Variants in RTL4 observed in about 807,000 individuals in gnomAD.
The protein encoded by RTL4 is retrotransposon Gag-like protein 4.
Under a neutral mutation model 5.3 loss-of-function variants are expected in RTL4, and 4 were observed. That is an observed-to-expected ratio of 0.75 (90% CI 0.37 to 1.72). RTL4 has a LOEUF of 1.72. Among genes scored for constraint, RTL4 ranks in the 40% most tolerant of loss-of-function variants. The pLI, the probability that RTL4 is intolerant of heterozygous loss-of-function variation, is 0.04. For missense variants in RTL4, 260 were observed against 227.1 expected (o/e 1.14, Z -0.93); for synonymous variants, 98 against 87.3 (o/e 1.12, Z -0.68).
At chrX:112,331,088 T>C in the RTL4 span, among the ~76,000 whole-genome samples, 18 of 97,036 alleles carry the variant, frequency 1.9e-4, no homozygotes, top group African/African-American at 6.0e-4. Context: ...ATTCAGGACA[T>C]AGGCATGGGC....
At chrX:112,429,135 T>G in the RTL4 span, among the ~76,000 whole-genome samples, 1 of 111,608 alleles carries the variant, frequency 9.0e-6, no homozygotes, top group African/African-American at 3.2e-5. Flanking sequence ...ATGAGACCAT[T>G]GATGTTTAAG....
the RTL4 span, among the ~76,000 whole-genome samples, chrX:112,401,921 T>C: frequency 8.9e-6 from 1 of 112,169 alleles, no homozygotes; most frequent in Admixed American, 9.4e-5. Context: ...TATTCCATGT[T>C]TCTATACAAT....
chrX:112,113,708 T>A, the RTL4 span, among the ~76,000 whole-genome samples: 3 of 111,831 alleles, frequency 2.7e-5, no homozygotes, highest in Non-Finnish European at 5.6e-5. Context: ...CTTCTAGTGA[T>A]TACTTCAGCA....
chrX:112,286,379 T>C, the RTL4 span, among the ~76,000 whole-genome samples: 1 of 111,826 alleles, frequency 8.9e-6, no homozygotes, highest in African/African-American at 3.3e-5. Context: ...AGAATTGGAA[T>C]TTTGTTTCAA....
chrX:112,208,533 C>T, the RTL4 span, among the ~76,000 whole-genome samples: 1 of 111,846 alleles, frequency 8.9e-6, no homozygotes. Context: ...TAGAAAGGGC[C>T]ATTTGGAGAG....
chrX:112,169,968 T>C, the RTL4 span, among the ~76,000 whole-genome samples: 1 of 112,417 alleles, frequency 8.9e-6, no homozygotes, highest in African/African-American at 3.2e-5. Context: ...GTTTCACGTT[T>C]CTGCATATGG....
chrX:112,202,340 G>T, the RTL4 span, among the ~76,000 whole-genome samples: 1 of 109,905 alleles, frequency 9.1e-6, no homozygotes, highest in African/African-American at 3.3e-5. Context: ...ATTCCATTTT[G>T]CAGACATAAC....
the RTL4 span, among the ~76,000 whole-genome samples, chrX:112,444,057 G>A: frequency 9.0e-6 from 1 of 111,592 alleles, no homozygotes; most frequent in African/African-American, 3.3e-5. Flanking sequence ...TTTTCTTTTA[G>A]TGGTTTCATA....
At chrX:112,186,533 G>A in the RTL4 span, among the ~76,000 whole-genome samples, 2 of 112,140 alleles carry the variant, frequency 1.8e-5, no homozygotes, top group African/African-American at 6.5e-5. Flanking sequence ...GTTGAATGAA[G>A]AGAGAGGCAG....
the RTL4 span, among the ~76,000 whole-genome samples, chrX:112,130,251 T>C: frequency 9.2e-6 from 1 of 109,244 alleles, no homozygotes; most frequent in Non-Finnish European, 1.9e-5. Flanking sequence ...CTTTTCTTTT[T>C]TTTTTTTTTG....
chrX:112,177,011 T>C, the RTL4 span, among the ~76,000 whole-genome samples: 1 of 110,905 alleles, frequency 9.0e-6, no homozygotes, highest in Non-Finnish European at 1.9e-5. Context: ...GATTTTATTT[T>C]TTTGTGGCTG....
At chrX:112,092,652 C>T in the RTL4 span, among the ~76,000 whole-genome samples, 13 of 111,469 alleles carry the variant, frequency 1.2e-4, no homozygotes, top group Non-Finnish European at 2.3e-4. Context: ...ATAAGTCCCA[C>T]GTGTTGTGGG....
the RTL4 span, among the ~76,000 whole-genome samples, chrX:112,236,836 G>A: frequency 0.15 from 16,810 of 110,655 alleles, 890 homozygotes; most frequent in Non-Finnish European, 0.17. Context: ...GCCTTTGCAC[G>A]TGTGATTAAG....
the RTL4 span, among the ~76,000 whole-genome samples, chrX:112,311,120 T>A: frequency 1.4e-4 from 15 of 108,598 alleles, no homozygotes; most frequent in East Asian, 1.7e-3. Context: ...CCTTAAGCTC[T>A]TTGAAGTTGT....
the RTL4 span, among the ~76,000 whole-genome samples, chrX:112,287,747 C>T: frequency 1.8e-5 from 2 of 111,263 alleles, no homozygotes; most frequent in African/African-American, 3.3e-5. Context: ...CATGAAAAAC[C>T]GATATCAAGG....
At chrX:112,300,333 G>A in the RTL4 span, among the ~76,000 whole-genome samples, 3 of 111,983 alleles carry the variant, frequency 2.7e-5, no homozygotes, top group Non-Finnish European at 5.6e-5. Flanking sequence ...CCAATTGTCT[G>A]AATAGCAAAG....
At chrX:112,401,315 T>C in the RTL4 span, among the ~76,000 whole-genome samples, 2 of 111,538 alleles carry the variant, frequency 1.8e-5, no homozygotes, top group African/African-American at 6.5e-5. Flanking sequence ...TTCTTATCTG[T>C]ACATTTTCCC....
chrX:112,226,427 A>G, the RTL4 span, among the ~76,000 whole-genome samples: 5 of 111,880 alleles, frequency 4.5e-5, no homozygotes, highest in East Asian at 1.1e-3. Context: ...TTATTTCAAG[A>G]ATGATCCTTA....
the RTL4 span, among the ~76,000 whole-genome samples, chrX:112,268,313 G>T: frequency 8.9e-6 from 1 of 112,150 alleles, no homozygotes; most frequent in Non-Finnish European, 1.9e-5. Context: ...TGTCCACATG[G>T]CTTGTTCTCT....
Sources: allele counts gnomAD v4.1 joint callset (sites outside exome capture counted in the v4.1 genomes callset), GRCh38; gene constraint gnomAD v4.1.1; transcripts MANE v1.5; gene names NCBI Gene and HGNC (gene_info 2026-07-23, HGNC 2026-07-21).